Variants in RAB31 observed in about 807,000 individuals in gnomAD.
RAB31 encodes the protein RAB31, member RAS oncogene family.
Under a neutral mutation model 25.6 loss-of-function variants are expected in RAB31, and 21 were observed. That is an observed-to-expected ratio of 0.82 (90% CI 0.58 to 1.18). RAB31 has a LOEUF of 1.18. Ranked by LOEUF, RAB31 falls within the 50% of genes most tolerant of loss-of-function variation. The pLI is 0.00. For missense variants in RAB31, 196 were observed against 250.1 expected (o/e 0.78, Z 1.46); for synonymous variants, 87 against 84.0 (o/e 1.04, Z -0.20).
At chr18:9,757,039 GT>G (rs1398499957) in intron 1 of RAB31, among the ~76,000 whole-genome samples, 1 of 152,120 alleles carries the variant, frequency 6.6e-6, no homozygotes, top group African/African-American at 2.4e-5. Context: ...TTCCTCTCTT[GT>G]TTCTGGGTTA....
intron 5 of RAB31, among the ~76,000 whole-genome samples, chr18:9,821,264 C>T (rs957207377): frequency 3.3e-5 from 5 of 151,998 alleles, no homozygotes; most frequent in African/African-American, 1.2e-4. Flanking sequence ...AGTATATGGT[C>T]TGTCCTGGGG....
intron 3 of RAB31, among the ~76,000 whole-genome samples, chr18:9,797,156 A>G (rs2068490425): frequency 6.6e-6 from 1 of 152,200 alleles, no homozygotes; most frequent in South Asian, 2.1e-4. Context: ...TCAAGGAAAA[A>G]TGTCTACTTA....
chr18:9,758,854 C>T (rs951896202), intron 1 of RAB31, among the ~76,000 whole-genome samples: 14 of 152,078 alleles, frequency 9.2e-5, no homozygotes, highest in East Asian at 1.9e-4. Flanking sequence ...AAATGACCAC[C>T]GCTGCCGAGG....
Position 9,836,505 on chromosome 18 carries a change from T to A in RAB31, c.381-9077T>A, listed in dbSNP as rs372253120. Among the ~76,000 whole-genome samples, 41 of 152,220 alleles carry A rather than the reference T, an allele frequency of 2.7e-4. 2 individuals carry two copies. ...CTACTGGCTTCATAGTGTCAGATTATGAATTGGATAGAGTGAAAAAATATC... is the reference window on the plus strand; with the variant it reads ...CTACTGGCTTCATAGTGTCAGATTAAGAATTGGATAGAGTGAAAAAATATC... On this transcript the variant is annotated intron_variant, in intron 5 of 6. Coordinates refer to ENST00000578921, the MANE Select transcript of RAB31 (RefSeq NM_006868.4).
chr18:9,797,421 T>G (rs2068492294), intron 3 of RAB31: 1 of 152,228 alleles, frequency 6.6e-6, no homozygotes, highest in Non-Finnish European at 1.5e-5. Flanking sequence ...TTCCATGTAC[T>G]GTTCTGAGTG....
chr18:9,722,399 T>C (rs1340925038), intron 1 of RAB31, among the ~76,000 whole-genome samples: 3 of 152,148 alleles, frequency 2.0e-5, no homozygotes, highest in African/African-American at 7.2e-5. Flanking sequence ...ACGTTGCTGA[T>C]GGACTGTGTA....
chr18:9,851,980 T>C (rs1456171342), intron 6 of RAB31, among the ~76,000 whole-genome samples: 1 of 149,906 alleles, frequency 6.7e-6, no homozygotes, highest in Non-Finnish European at 1.5e-5. Flanking sequence ...TCAATATATA[T>C]AATGATAAAT....
chr18:9,824,863 T>G (rs1412461659), intron 5 of RAB31, among the ~76,000 whole-genome samples: 2 of 152,190 alleles, frequency 1.3e-5, no homozygotes, highest in African/African-American at 4.8e-5. Flanking sequence ...ACTGAAGTAA[T>G]GTATGGTCCC....
At chr18:9,724,132 G>T (rs575479468) in intron 1 of RAB31, among the ~76,000 whole-genome samples, 1 of 150,702 alleles carries the variant, frequency 6.6e-6, no homozygotes, top group Admixed American at 6.6e-5. Flanking sequence ...TTAGCCGGGC[G>T]TAGTGGCGGG....
intron 1 of RAB31, among the ~76,000 whole-genome samples, chr18:9,750,663 G>A (rs772723686): frequency 6.6e-6 from 1 of 152,172 alleles, no homozygotes; most frequent in Non-Finnish European, 1.5e-5. Flanking sequence ...TAGGTGCTGA[G>A]GTTGTAGAGT....
chr18:9,729,658 C>A (rs1294614708), intron 1 of RAB31, among the ~76,000 whole-genome samples: 1 of 151,178 alleles, frequency 6.6e-6, no homozygotes, highest in Non-Finnish European at 1.5e-5. Context: ...CCCTCCCCCA[C>A]CCCCCTCTAA....
intron 1 of RAB31, among the ~76,000 whole-genome samples, chr18:9,727,193 G>A (rs1296538152): frequency 3.3e-5 from 5 of 152,222 alleles, no homozygotes; most frequent in East Asian, 3.8e-4. Context: ...ATGTGGGCCC[G>A]TATGCCCTGG....
chr18:9,739,047 T>C lies in RAB31; in HGVS notation c.39+30603T>C, dbSNP rs183749934. 7.5e-4 allele frequency among the ~76,000 whole-genome samples: 115 copies of C among 152,336 alleles called. 1 individual carries two copies. The highest frequency in any genetic ancestry group is 2.6e-3 in the African/African-American group (110 of 41,568). On this transcript the variant is annotated intron_variant, in intron 1 of 6. Transcript: ENST00000578921. ...AGACTAGGAGAAAAAACATTTTGTT[T>C]TTCTACTCAGGTGGCATGTTCCAAA... is the stretch of plus-strand genomic sequence containing the variant.
intron 1 of RAB31, among the ~76,000 whole-genome samples, chr18:9,723,902 A>T (rs115925929): frequency 0.011 from 1,707 of 152,308 alleles, 33 homozygotes; most frequent in African/African-American, 0.039. Context: ...CAACGCTATT[A>T]CACTGGTGAT....
chr18:9,840,753 T>C (rs661092), intron 5 of RAB31, among the ~76,000 whole-genome samples: 100,203 of 151,850 alleles, frequency 0.66, 33,249 homozygotes, highest in South Asian at 0.77. Flanking sequence ...TGCAAGTTTC[T>C]GGTATCCCCA....
chr18:9,824,710 G>A (rs2068641546), intron 5 of RAB31, among the ~76,000 whole-genome samples: 1 of 152,198 alleles, frequency 6.6e-6, no homozygotes, highest in Non-Finnish European at 1.5e-5. Flanking sequence ...CCCACTCCCA[G>A]AGTGGAAGGC....
chr18:9,750,258 C>A (rs991832788), intron 1 of RAB31, among the ~76,000 whole-genome samples: 2 of 152,130 alleles, frequency 1.3e-5, no homozygotes, highest in Non-Finnish European at 2.9e-5. Flanking sequence ...GATCTAGGAT[C>A]AAGATGAAGT....
At chr18:9,713,269 T>C (rs1202235472) in intron 1 of RAB31, among the ~76,000 whole-genome samples, 6 of 152,152 alleles carry the variant, frequency 3.9e-5, no homozygotes, top group Admixed American at 3.9e-4. Flanking sequence ...TCTAGTAACT[T>C]ACTATTTTTT....
chr18:9,761,087 G>A (rs904333715), intron 1 of RAB31, among the ~76,000 whole-genome samples: 6 of 152,146 alleles, frequency 3.9e-5, no homozygotes, highest in Non-Finnish European at 8.8e-5. Context: ...TAGCTCTGTA[G>A]CCATGCTAAC....
Sources: allele counts gnomAD v4.1 joint callset (sites outside exome capture counted in the v4.1 genomes callset), GRCh38; gene constraint gnomAD v4.1.1; transcripts MANE v1.5; gene names NCBI Gene and HGNC (gene_info 2026-07-23, HGNC 2026-07-21).